The following RFC3 variants were observed in gnomAD, a reference collection of about 807,000 sequenced individuals.
The protein encoded by RFC3 is replication factor C subunit 3.
Under a neutral mutation model 45.1 loss-of-function variants are expected in RFC3, and 41 were observed. The ratio of observed to expected loss-of-function variants is 0.91; its 90% CI spans 0.71 to 1.18. The LOEUF (loss-of-function observed/expected upper bound fraction) is 1.18. RFC3 is among the 50% of genes most tolerant of loss of function. RFC3 has a pLI of 0.00. For missense variants in RFC3, 423 were observed against 428.1 expected (o/e 0.99, Z 0.10); for synonymous variants, 149 against 144.0 (o/e 1.03, Z -0.25).
chr13:33,864,306 A>G, intron 8 of RFC3, among the ~76,000 whole-genome samples: 1 of 152,168 alleles, frequency 6.6e-6, no homozygotes, highest in East Asian at 1.9e-4. Context: ...TTTCAAAATG[A>G]GATTTGGAGG....
At chr13:33,946,685 T>C (rs1055444382) in intron 8 of RFC3, among the ~76,000 whole-genome samples, 3 of 152,238 alleles carry the variant, frequency 2.0e-5, no homozygotes, top group African/African-American at 7.2e-5. Flanking sequence ...TCATAAAATA[T>C]GTTGCTACGG....
At chr13:33,901,231 G>C (rs1243257655) in intron 8 of RFC3, among the ~76,000 whole-genome samples, 1 of 151,946 alleles carries the variant, frequency 6.6e-6, no homozygotes, top group South Asian at 2.1e-4. Flanking sequence ...TTGAGGAAAT[G>C]TCTGCATTCT....
chr13:33,962,600 A>G (rs1329658), intron 8 of RFC3, among the ~76,000 whole-genome samples: 4,480 of 152,302 alleles, frequency 0.029, 224 homozygotes, highest in African/African-American at 0.1. Flanking sequence ...GTGCATTACA[A>G]TATTACAATC....
At chr13:33,829,796 G>A (rs1468581947) in intron 4 of RFC3, 40 bp from the exon 5 acceptor site, 3 of 1,516,096 alleles carry the variant, frequency 2.0e-6, no homozygotes, top group Non-Finnish European at 2.7e-6. Flanking sequence ...AAGTTTGAGT[G>A]AACTCAAGTT....
chr13:33,876,109 C>T (rs1169776074), intron 8 of RFC3, among the ~76,000 whole-genome samples: 1 of 152,052 alleles, frequency 6.6e-6, no homozygotes, highest in African/African-American at 2.4e-5. Context: ...AAGACAGGGA[C>T]CTTATTTTAT....
At chr13:33,844,853 T>C (rs1257922798) in intron 8 of RFC3, among the ~76,000 whole-genome samples, 1 of 152,238 alleles carries the variant, frequency 6.6e-6, no homozygotes, top group Non-Finnish European at 1.5e-5. Context: ...TGTTTGTCTA[T>C]GTACTTACTA....
chr13:33,942,160 C>T (rs1191163350), intron 8 of RFC3, among the ~76,000 whole-genome samples: 1 of 151,982 alleles, frequency 6.6e-6, no homozygotes, highest in South Asian at 2.1e-4. Flanking sequence ...GCCTGCATCA[C>T]TTGTTGGTTT....
At chr13:33,893,492 C>G (rs749059322) in intron 8 of RFC3, among the ~76,000 whole-genome samples, 2 of 151,866 alleles carry the variant, frequency 1.3e-5, no homozygotes, top group Non-Finnish European at 2.9e-5. Context: ...AACAAAACAG[C>G]AAGCAGGGTA....
chr13:33,831,273 A>T lies in RFC3; in HGVS notation c.728A>T (p.Asp243Val), dbSNP rs1389637973. 6.2e-7 allele frequency: 1 copy of T among 1,604,540 alleles called. No homozygotes were observed. Among genetic ancestry groups the T allele is most frequent in the South Asian group, 1.1e-5 (1 of 90,908 alleles). Residue 243 changes from aspartate (D) to valine (V), a missense_variant, in exon 7 of 9, where the codon GAT (aspartate) becomes GTT (valine). By Grantham distance (152) the Asp-to-Val change is radical. Coordinates refer to ENST00000380071, the MANE Select transcript of RFC3 (RefSeq NM_002915.4). ...TCATGTAGATATCCTTTTACTGCAG[A>T]TCAAGAAATCCCTGAGACAGATTGG... ...CRVQQYPFTA[D>V]QEIPETDWEV...
intron 8 of RFC3, among the ~76,000 whole-genome samples, chr13:33,894,137 C>A (rs1226799725): frequency 6.6e-6 from 1 of 152,122 alleles, no homozygotes; most frequent in African/African-American, 2.4e-5. Context: ...TTGAAAGAAG[C>A]AGAACCCTAC....
At chr13:33,935,997 G>A (rs1356515479) in intron 8 of RFC3, among the ~76,000 whole-genome samples, 5 of 152,144 alleles carry the variant, frequency 3.3e-5, no homozygotes, top group African/African-American at 7.2e-5. Context: ...GTATGGCTCC[G>A]GGTCCACTGA....
chr13:33,970,710 G>T (rs2083106243), downstream of RFC3, among the ~76,000 whole-genome samples: 4 of 152,200 alleles, frequency 2.6e-5, no homozygotes, highest in African/African-American at 9.7e-5. Flanking sequence ...GTTTGGGTGG[G>T]AACTCTGGGA....
rs1566030491 is a variant in RFC3, at chr13:33,925,059, A to ACG, written c.880-41027_880-41026insGC. 6.4e-4 allele frequency among the ~76,000 whole-genome samples: 93 copies of ACG among 145,414 alleles called. 1 individual carries two copies. The highest frequency in any genetic ancestry group is 2.3e-3 in the African/African-American group (85 of 37,048). ...ATATATAGTGTACATATATATATAC[A>ACG]CATATATAGTGTACTATATACACGC... On this transcript the variant is annotated intron_variant, in intron 8 of 8. Transcript: ENST00000434425.
chr13:33,960,068 C>T (rs968203299), intron 8 of RFC3, among the ~76,000 whole-genome samples: 7 of 151,994 alleles, frequency 4.6e-5, no homozygotes, highest in African/African-American at 1.5e-4. Flanking sequence ...AGGACACCAC[C>T]GAGGGAATGG....
intron 7 of RFC3, among the ~76,000 whole-genome samples, chr13:33,831,993 T>G (rs1441837691): frequency 6.6e-6 from 1 of 152,228 alleles, no homozygotes; most frequent in Non-Finnish European, 1.5e-5. Context: ...CCATTTTTAC[T>G]CAGGAAGTAT....
At chr13:33,917,611 G>A (rs1486315968) in intron 8 of RFC3, among the ~76,000 whole-genome samples, 1 of 152,070 alleles carries the variant, frequency 6.6e-6, no homozygotes, top group African/African-American at 2.4e-5. Flanking sequence ...CCTGGTGGTC[G>A]TGGCTCAGAC....
chr13:33,969,031 A>G (rs1391841737), downstream of RFC3, among the ~76,000 whole-genome samples: 1 of 152,296 alleles, frequency 6.6e-6, no homozygotes. Context: ...ATGTCCTCAC[A>G]TTTTAAAAGT....
intron 8 of RFC3, among the ~76,000 whole-genome samples, chr13:33,941,341 C>T (rs1172530634): frequency 6.6e-6 from 1 of 152,034 alleles, no homozygotes; most frequent in Non-Finnish European, 1.5e-5. Flanking sequence ...GTTTTTTCTA[C>T]AACACTGCCA....
the RFC3 span, among the ~76,000 whole-genome samples, chr13:33,973,511 T>C: frequency 6.6e-6 from 1 of 152,056 alleles, no homozygotes; most frequent in Non-Finnish European, 1.5e-5. Flanking sequence ...GGAAACACAT[T>C]TTGTGGGAGA....
Sources: gnomAD v4.1 joint callset for allele counts (sites outside exome capture counted in the v4.1 genomes callset) on GRCh38, gnomAD v4.1.1 for gene constraint, MANE v1.5 for transcripts, NCBI Gene and HGNC (gene_info 2026-07-23, HGNC 2026-07-21) for gene names.